The following KIF5C variants were observed in gnomAD, a reference collection of about 807,000 sequenced individuals.
KIF5C encodes kinesin family member 5C.
A neutral mutation model predicts 125.2 loss-of-function variants in KIF5C; 18 were observed. The ratio of observed to expected loss-of-function variants is 0.14; its 90% confidence interval spans 0.10 to 0.21. The LOEUF is 0.21. Among genes scored for constraint, KIF5C ranks in the 10% least tolerant of loss-of-function variants. KIF5C has a pLI of 1.00. For missense variants in KIF5C, 780 were observed against 1,183.8 expected (o/e 0.66, Z 5.01); for synonymous variants, 405 against 434.0 (o/e 0.93, Z 0.83).
chr2:148,990,962 C>T, intron 15 of KIF5C, 48 bp from the exon 16 acceptor site: 1 of 1,573,740 alleles, frequency 6.4e-7, no homozygotes, highest in Non-Finnish European at 8.7e-7. Flanking sequence ...GTCCGTGAAC[C>T]TATGGAAATT....
intron 10 of KIF5C, among the ~76,000 whole-genome samples, chr2:148,953,574 C>T (rs118124938): frequency 8.5e-5 from 13 of 152,272 alleles, no homozygotes; most frequent in East Asian, 7.7e-4. Context: ...AAAAGACTGC[C>T]GGGCACATCC....
chr2:148,915,315 T>C (rs1681502196), intron 1 of KIF5C, among the ~76,000 whole-genome samples: 1 of 152,166 alleles, frequency 6.6e-6, no homozygotes, highest in East Asian at 1.9e-4. Context: ...CAGACATCTA[T>C]TGAGCACCTG....
chr2:148,905,375 G>A (rs963335733), intron 1 of KIF5C, among the ~76,000 whole-genome samples: 8 of 152,098 alleles, frequency 5.3e-5, no homozygotes, highest in African/African-American at 1.7e-4. Context: ...ATTAAAGAAG[G>A]GGAGAAATCA....
At chr2:148,978,699 A>G (rs139754521) in intron 12 of KIF5C, among the ~76,000 whole-genome samples, 1 of 152,160 alleles carries the variant, frequency 6.6e-6, no homozygotes, top group African/African-American at 2.4e-5. Context: ...TGTGCAGGAT[A>G]TTATATTTCC....
At chr2:149,011,443 T>C in intron 24 of KIF5C, 127 bp from the exon 25 acceptor site, 12 of 1,299,858 alleles carry the variant, frequency 9.2e-6, no homozygotes, top group Non-Finnish European at 8.2e-6. Context: ...ATCTGGTGGT[T>C]GATAAGAATT....
At chr2:148,961,120 G>C (rs1682914950) in intron 10 of KIF5C, among the ~76,000 whole-genome samples, 1 of 152,186 alleles carries the variant, frequency 6.6e-6, no homozygotes, top group African/African-American at 2.4e-5. Context: ...TCTTATACTG[G>C]AAGTGGCAAA....
At chr2:148,963,436 T>C (rs539831521) in intron 11 of KIF5C, among the ~76,000 whole-genome samples, 63 of 152,322 alleles carry the variant, frequency 4.1e-4, no homozygotes, top group Non-Finnish European at 7.1e-4. Flanking sequence ...TATTGTTTAA[T>C]AGAAAAACAA....
intron 11 of KIF5C, among the ~76,000 whole-genome samples, chr2:148,968,164 T>C (rs1361108278): frequency 6.6e-6 from 1 of 152,226 alleles, no homozygotes; most frequent in Non-Finnish European, 1.5e-5. Context: ...GATTTTCTTC[T>C]CTTGAATAAT....
intron 2 of KIF5C, among the ~76,000 whole-genome samples, chr2:148,928,364 A>C (rs1682084813): frequency 6.6e-6 from 1 of 152,118 alleles, no homozygotes; most frequent in Admixed American, 6.5e-5. Flanking sequence ...CCTTATTCGG[A>C]ATGGAGGATC....
chr2:148,934,730 C>T (rs76464400), intron 3 of KIF5C, among the ~76,000 whole-genome samples: 6 of 152,034 alleles, frequency 3.9e-5, no homozygotes, highest in Admixed American at 2.6e-4. Context: ...ACATTCCCTA[C>T]GTCCATCTCA....
chr2:148,987,023 G>A (rs1428440914), intron 15 of KIF5C, among the ~76,000 whole-genome samples: 1 of 152,218 alleles, frequency 6.6e-6, no homozygotes, highest in East Asian at 1.9e-4. Flanking sequence ...GGAAAGGAGA[G>A]CTTTATTTTT....
intron 16 of KIF5C, 125 bp from the exon 17 acceptor site, chr2:148,994,296 G>T (rs547394820): frequency 3.0e-6 from 4 of 1,317,844 alleles, no homozygotes; most frequent in Admixed American, 2.6e-5. Flanking sequence ...GGCACCATTT[G>T]GTTGTGGCAC....
At chr2:148,948,919 A>G (rs764900164) in intron 8 of KIF5C, among the ~76,000 whole-genome samples, 19 of 152,240 alleles carry the variant, frequency 1.2e-4, no homozygotes, top group Non-Finnish European at 2.6e-4. Flanking sequence ...AACAAGTCCA[A>G]GGGAGTTGAG....
chr2:149,003,091 C>T, intron 21 of KIF5C, among the ~76,000 whole-genome samples: 1 of 152,240 alleles, frequency 6.6e-6, no homozygotes, highest in Non-Finnish European at 1.5e-5. Context: ...TCTCACCACC[C>T]ACACGCATCA....
At chr2:148,994,177 A>T (rs931173792) in intron 16 of KIF5C, among the ~76,000 whole-genome samples, 5 of 152,230 alleles carry the variant, frequency 3.3e-5, no homozygotes, top group South Asian at 2.1e-4. Context: ...CTGGATGGTG[A>T]GGAGGGGCCT....
rs758621329 is a variant in KIF5C, at chr2:148,942,742, C to A, written c.571C>A (p.Arg191=). ...TGTAATAGATGAAGGCAAAGCAAAC[C>A]GACACGTGGCTGTGACAAGTAAGCA... ...MDVIDEGKAN[R]HVAVTNMNEH... is the part of the protein sequence containing the mutation. Residue 191 remains arginine, a synonymous_variant, in exon 7 of 26, where the codon CGA becomes AGA. Coordinates refer to ENST00000435030, the MANE Select transcript of KIF5C (RefSeq NM_004522.3). 3 of 1,610,088 alleles carry A rather than the reference C, an allele frequency of 1.9e-6. No individual in the cohort carries two copies. The South Asian group carries it at 3.3e-5, about 18-fold the overall frequency.
intron 25 of KIF5C, among the ~76,000 whole-genome samples, chr2:149,013,431 C>G (rs1244842421): frequency 3.3e-5 from 5 of 152,186 alleles, no homozygotes; most frequent in Non-Finnish European, 7.3e-5. Flanking sequence ...CCTCCCTTTC[C>G]CTGGACAGCA....
chr2:149,005,610 A>G, intron 22 of KIF5C, 146 bp downstream of exon 22: 1 of 1,299,948 alleles, frequency 7.7e-7, no homozygotes, highest in Non-Finnish European at 1.0e-6. Context: ...TTATTAAAAG[A>G]ATGTGCTGGA....
chr2:148,973,140 T>C (rs1680964184), intron 11 of KIF5C, among the ~76,000 whole-genome samples, 196 bp from the exon 12 acceptor site: 1 of 152,182 alleles, frequency 6.6e-6, no homozygotes, highest in African/African-American at 2.4e-5. Context: ...AGTTCTCTTT[T>C]TTCTTAGACT....
Sources: allele counts gnomAD v4.1 joint callset (sites outside exome capture counted in the v4.1 genomes callset), GRCh38; gene constraint gnomAD v4.1.1; transcripts MANE v1.5; gene names NCBI Gene and HGNC (gene_info 2026-07-23, HGNC 2026-07-21).